Variants in GP6 observed in about 807,000 individuals in gnomAD.
GP6 encodes platelet glycoprotein VI.
A neutral mutation model predicts 37.3 loss-of-function variants in GP6; 45 were observed. The observed-to-expected ratio is 1.21, with a 90% CI of 0.95 to 1.55. The LOEUF is 1.55. GP6 is among the 40% of genes most tolerant of loss of function. The pLI is 0.00. For synonymous variants in GP6, 340 were observed against 316.4 expected, an observed-to-expected ratio of 1.07 and a Z score of -0.79; for missense variants, 813 against 760.2, an observed-to-expected ratio of 1.07 and a Z score of -0.82.
intron 1 of GP6, among the ~76,000 whole-genome samples, chr19:55,036,540 A>T (rs563394614): frequency 6.6e-6 from 1 of 151,748 alleles, no homozygotes; most frequent in Admixed American, 6.6e-5. Context: ...AACTAAAAAA[A>T]TTACAAAAAC....
intron 5 of GP6, among the ~76,000 whole-genome samples, chr19:55,021,445 A>C (rs992435717): frequency 6.6e-6 from 1 of 151,070 alleles, no homozygotes; most frequent in African/African-American, 2.4e-5. Flanking sequence ...GAACTAATTT[A>C]CATTCCCAAC....
At chr19:55,027,426 G>A in intron 4 of GP6, 152 bp downstream of exon 4, 1 of 565,214 alleles carries the variant, frequency 1.8e-6, no homozygotes, top group Non-Finnish European at 3.1e-6. Context: ...AGGGCTTCCT[G>A]CCCTCCCACT....
chr19:55,032,474 G>A lies in GP6; in HGVS notation c.67+32C>T, dbSNP rs186278363. 400 of 1,613,518 alleles carry A rather than the reference G, an allele frequency of 2.5e-4. 1 individual carries two copies. In the African/African-American group the frequency reaches 3.6e-3, roughly 15 times the overall value. On this transcript the variant is annotated intron_variant, in intron 2 of 7. Transcript: ENST00000310373. ...CGCTGCTCCCGCGCTGGCGGATCCC[G>A]CAGGAGGGAAGGGGTCTGGGGAAGG...
At chr19:55,032,850 CGTGTT>C (rs2074621372) in intron 1 of GP6, 1 of 527,550 alleles carries the variant, frequency 1.9e-6, no homozygotes, top group African/African-American at 2.0e-5. Context: ...TGGACTTGTT[CGTGTT>C]AGACACGGTG....
chr19:55,018,886 A>G (rs2073971747), intron 5 of GP6, 175 bp from the exon 6 acceptor site: 1 of 674,946 alleles, frequency 1.5e-6, no homozygotes, highest in Non-Finnish European at 2.7e-6. Flanking sequence ...TGACCGGCTT[A>G]GTAAGAAGCA....
rs577057782 is a variant in GP6, at chr19:55,034,513, G to A, written c.35-1975C>T. Among the ~76,000 whole-genome samples, 41 of 151,312 alleles carry A rather than the reference G, an allele frequency of 2.7e-4. 1 individual carries two copies. In the South Asian group the frequency reaches 4.8e-3, roughly 18 times the overall value. On this transcript the variant is annotated intron_variant, in intron 1 of 7. Transcript: ENST00000310373. Reference sequence around the variant, plus strand: ...GGAGGTTGCAGTGAGCCAAGATCACGCCACTACACTCCAGCCTGGGCAACA... The same window carrying A: ...GGAGGTTGCAGTGAGCCAAGATCACACCACTACACTCCAGCCTGGGCAACA...
chr19:55,024,291 T>TGCACGCACACACGCAC (rs879694712), intron 5 of GP6, among the ~76,000 whole-genome samples: 5 of 113,350 alleles, frequency 4.4e-5, no homozygotes, highest in Non-Finnish European at 4.0e-5. Flanking sequence ...CACACACATA[T>TGCACGCACACACGCAC]GCACGCATGC....
In GP6 at chr19:55,028,568, C is replaced by G. The variant is rs78917431; in HGVS notation, c.326-706G>C. Among the ~76,000 whole-genome samples the G allele has an allele frequency of 3.6e-4, 55 of 152,286 alleles. 1 individual carries two copies. The East Asian group carries it at 0.011, about 29-fold the overall frequency. On this transcript the variant is annotated intron_variant, in intron 3 of 7. Transcript: ENST00000310373. ...TAATTAGCTTGCTAGTAGTAACTGT[C>G]TCACAGTGGATTCGTATATCAAAAC...
Position 55,027,587 on chromosome 19 carries a change from C to T in GP6, c.601G>A (p.Val201Met), listed in dbSNP as rs753098085. Reference sequence around the variant, plus strand: ...TCTGCACTACCCCTACCTGTGACCACAAGCTCCAGGGGGTCGCTGGGGGCT... The same window carrying T: ...TCTGCACTACCCCTACCTGTGACCATAAGCTCCAGGGGGTCGCTGGGGGCT... The change falls in exon 4 of 8, where the codon GTG becomes ATG. Residue 201 changes from valine (V) to methionine (M), a missense_variant. Transcript: ENST00000310373. The T allele has an allele frequency of 1.1e-5, 17 of 1,613,340 alleles. No homozygotes were observed. The highest frequency in any genetic ancestry group is 1.4e-5 in the Non-Finnish European group (16 of 1,179,450).
At chr19:55,015,610 G>A (rs573987618) in intron 7 of GP6, 73 bp downstream of exon 7, 23 of 903,052 alleles carry the variant, frequency 2.5e-5, no homozygotes, top group African/African-American at 9.7e-5. Context: ...CAGCCCCTGC[G>A]TAGACAAAGG....
At chr19:55,017,721 C>G (rs12460627) in intron 6 of GP6, among the ~76,000 whole-genome samples, 35,038 of 151,900 alleles carry the variant, frequency 0.23, 4,425 homozygotes, top group East Asian at 0.55. Flanking sequence ...GGAACTGCAT[C>G]CTGAGGGTGA....
At position 55,027,758 on chromosome 19, in the gene GP6, C is replaced by G. The variant is rs1299257763; in HGVS notation, c.430G>C (p.Ala144Pro). 1 of 1,613,914 alleles carries G rather than the reference C, an allele frequency of 6.2e-7. No individual in the cohort carries two copies. Residue 144 changes from alanine (A) to proline (P), a missense_variant, in exon 4 of 8, where the codon GCT becomes CCT. Physicochemically the swap from Ala to Pro is conservative, Grantham distance 27. Coordinates refer to ENST00000310373, the MANE Select transcript of GP6 (RefSeq NM_001083899.2). ...GCAGGGTCCCCTTCCTTGTACAGAGCAAATTGGTCAAAGCCATACCGAGTC... is the reference window on the plus strand; with the variant it reads ...GCAGGGTCCCCTTCCTTGTACAGAGGAAATTGGTCAAAGCCATACCGAGTC...
intron 4 of GP6, 102 bp downstream of exon 4, chr19:55,027,476 T>G: frequency 1.1e-6 from 1 of 870,588 alleles, no homozygotes; most frequent in Non-Finnish European, 1.9e-6. Flanking sequence ...GCCCAGGGCT[T>G]CCTGCCCTCC....
chr19:55,034,481 G>A (rs1293475597), intron 1 of GP6, among the ~76,000 whole-genome samples: 10 of 151,702 alleles, frequency 6.6e-5, no homozygotes, highest in Non-Finnish European at 8.8e-5. Context: ...ACTTGAACCC[G>A]GGAGGCGGAG....
intron 5 of GP6, 32 bp from the exon 6 acceptor site, chr19:55,018,743 C>T (rs560147832): frequency 1.5e-5 from 22 of 1,489,828 alleles, no homozygotes; most frequent in Admixed American, 1.2e-4. Flanking sequence ...AGGTCTTCCC[C>T]GTGGTTCCCT....
intron 5 of GP6, among the ~76,000 whole-genome samples, chr19:55,021,530 T>TC (rs2074085040): frequency 6.9e-6 from 1 of 145,346 alleles, no homozygotes; most frequent in Non-Finnish European, 1.5e-5. Context: ...GTTTTTTTTT[T>TC]TTTTTTTTGA....
Position 55,014,577 on chromosome 19 carries a change from C to A in GP6, c.1368G>T (p.Arg456Ser), listed in dbSNP as rs1464851376. ...CAGAGTCAACCCTGAGAGCTGGGAA[C>A]CTTAGAGATCCGTCTGGAGCCCATA... Residue 456 changes from arginine to serine, a missense_variant, in exon 8 of 8, where the codon AGG (arginine) becomes AGT (serine). By Grantham distance (110) the Arg-to-Ser change is moderately radical (BLOSUM62 -1). Coordinates refer to ENST00000310373, the MANE Select transcript of GP6 (RefSeq NM_001083899.2). The A allele has an allele frequency of 5.0e-6, 8 of 1,613,262 alleles. No individual in the cohort carries two copies. Among genetic ancestry groups the A allele is most frequent in the East Asian group, 2.2e-5 (1 of 44,882 alleles).
At chr19:55,034,918 C>A (rs549197827) in intron 1 of GP6, among the ~76,000 whole-genome samples, 35 of 152,260 alleles carry the variant, frequency 2.3e-4, no homozygotes, top group African/African-American at 8.2e-4. Context: ...CCTTTGTCCA[C>A]CCCAGGCTCC....
At position 55,014,790 on chromosome 19, in the gene GP6, G is replaced by A. The variant is rs933334065; in HGVS notation, c.1155C>T (p.Ala385=). The A allele has an allele frequency of 1.2e-6, 2 of 1,613,844 alleles. No homozygotes were observed. The highest frequency in any genetic ancestry group is 1.7e-6 in the Non-Finnish European group (2 of 1,179,902). ...GCTCCCTGATGGAACACCAGGAGGA[G>A]GCAGCATGGCCTCGTTTCCACAGCT... is the stretch of plus-strand genomic sequence containing the variant. Residue 385 remains alanine (A), a synonymous_variant, in exon 8 of 8, where the codon GCC becomes GCT. Transcript: ENST00000310373.
Sources: gnomAD v4.1 joint callset for allele counts (sites outside exome capture counted in the v4.1 genomes callset) on GRCh38, gnomAD v4.1.1 for gene constraint, MANE v1.5 for transcripts, NCBI Gene and HGNC (gene_info 2026-07-23, HGNC 2026-07-21) for gene names.